Variants in SYTL5 observed in about 807,000 individuals in gnomAD.
SYTL5 encodes synaptotagmin like 5, also known as synaptotagmin-like protein 5.
SYTL5 carries 34 observed loss-of-function variants against 55.9 expected under a neutral mutation model. The observed-to-expected ratio is 0.61, with a 90% CI of 0.46 to 0.81. The LOEUF (loss-of-function observed/expected upper bound fraction) is 0.81, where lower values mean the gene tolerates loss of function less well. Ranked by LOEUF, SYTL5 falls within the 30% of genes least tolerant of loss-of-function variation. SYTL5 has a pLI of 0.00. For synonymous variants in SYTL5, 221 were observed against 188.7 expected, an observed-to-expected ratio of 1.17 and a Z score of -1.40; for missense variants, 637 against 546.7, an observed-to-expected ratio of 1.17 and a Z score of -1.65.
intron 15 of SYTL5, among the ~76,000 whole-genome samples, chrX:38,124,427 G>A (rs1263285887): frequency 9.0e-6 from 1 of 111,525 alleles, no homozygotes; most frequent in Non-Finnish European, 1.9e-5. Flanking sequence ...TTTGCTTGTA[G>A]CACTTTTCGT....
At chrX:37,967,871 G>T in the SYTL5 span, among the ~76,000 whole-genome samples, 4 of 107,541 alleles carry the variant, frequency 3.7e-5, no homozygotes, top group East Asian at 1.2e-3. Context: ...AAAGTGCTAG[G>T]ATTATAGGCA....
At position 38,127,004 on chromosome X, in the gene SYTL5, T is replaced by C; in HGVS notation, c.*274T>C. 1.2e-5 allele frequency: 3 copies of C among 246,157 alleles called. No homozygotes were observed. The highest frequency in any genetic ancestry group is 2.2e-5 in the Non-Finnish European group (3 of 138,522). The allele number at this position is 246,157 out of a possible 1,213,427, so 20.3% of individuals were successfully genotyped here. On this transcript the variant is annotated 3_prime_UTR_variant, in exon 17 of 17. Transcript: ENST00000297875. Reference sequence around the variant, plus strand: ...GCAAATTGTGCAAAGGCTTATAGGGTTTATGCCATAAAAGAAATGGCACAA... The same window carrying C: ...GCAAATTGTGCAAAGGCTTATAGGGCTTATGCCATAAAAGAAATGGCACAA...
In SYTL5 at chrX:38,027,362, T is replaced by C. The variant is rs1206637925; in HGVS notation, c.-356-6172T>C. Among the ~76,000 whole-genome samples, 5 of 112,080 alleles carry C rather than the reference T, an allele frequency of 4.5e-5. No individual in the cohort carries two copies. In the Admixed American group the frequency reaches 4.8e-4, roughly 11 times the overall value. ...ATGGAGTCACTAGCCAATTCCAATA[T>C]GTGCCCAGAATTATAATATTGAACC... On this transcript the variant is annotated intron_variant, in intron 1 of 16. Coordinates refer to ENST00000297875, the MANE Select transcript of SYTL5 (RefSeq NM_138780.3).
the SYTL5 span, among the ~76,000 whole-genome samples, chrX:37,995,180 G>T: frequency 9.0e-6 from 1 of 110,526 alleles, no homozygotes; most frequent in Non-Finnish European, 1.9e-5. Flanking sequence ...GGGGTCCTCC[G>T]AGGCTTGTTG....
intron 2 of SYTL5, among the ~76,000 whole-genome samples, chrX:38,053,094 C>T (rs906616822): frequency 8.9e-5 from 10 of 112,267 alleles, no homozygotes; most frequent in Non-Finnish European, 1.7e-4. Context: ...GACTGAATCT[C>T]CAAAGCTGTG....
intron 1 of SYTL5, among the ~76,000 whole-genome samples, chrX:38,031,336 C>A (rs910305307): frequency 9.0e-6 from 1 of 111,620 alleles, no homozygotes; most frequent in Non-Finnish European, 1.9e-5. Flanking sequence ...TAAACTCTCA[C>A]AGGGCAATTT....
chrX:38,046,173 G>C (rs758863633), intron 2 of SYTL5, among the ~76,000 whole-genome samples: 4 of 111,634 alleles, frequency 3.6e-5, no homozygotes, highest in Non-Finnish European at 7.5e-5. Context: ...GTTACCTCTC[G>C]GAGATTCCAC....
chrX:37,899,342 G>A, the SYTL5 span, among the ~76,000 whole-genome samples: 1 of 111,304 alleles, frequency 9.0e-6, no homozygotes, highest in African/African-American at 3.3e-5. Context: ...CTGAGCTAAT[G>A]AGGCTCAGGC....
chrX:38,043,564 T>C (rs1002372542), intron 2 of SYTL5, among the ~76,000 whole-genome samples: 1 of 103,221 alleles, frequency 9.7e-6, no homozygotes, highest in Non-Finnish European at 2.0e-5. Context: ...CCATATAATA[T>C]GAACATTAAA....
chrX:38,046,330 G>A (rs927600760), intron 2 of SYTL5, among the ~76,000 whole-genome samples: 7 of 111,935 alleles, frequency 6.3e-5, no homozygotes, highest in Non-Finnish European at 1.3e-4. Context: ...AGGTTTAATG[G>A]ACTCACAGTT....
intron 13 of SYTL5, among the ~76,000 whole-genome samples, chrX:38,118,628 T>A (rs966962863): frequency 8.9e-6 from 1 of 111,941 alleles, no homozygotes; most frequent in Non-Finnish European, 1.9e-5. Flanking sequence ...ATTTAAACTT[T>A]ATATTTTGAG....
chrX:38,014,609 G>A (rs1934289865), intron 1 of SYTL5, among the ~76,000 whole-genome samples: 1 of 111,638 alleles, frequency 9.0e-6, no homozygotes, highest in Admixed American at 9.5e-5. Context: ...TTAGGGAGCC[G>A]TGAGACATCA....
chrX:38,035,489 G>T (rs762819409), intron 2 of SYTL5, among the ~76,000 whole-genome samples: 2 of 110,292 alleles, frequency 1.8e-5, no homozygotes, highest in South Asian at 7.9e-4. Context: ...TACTCAGGAG[G>T]CTGAGGCGGG....
intron 7 of SYTL5, among the ~76,000 whole-genome samples, chrX:38,090,274 G>A (rs972634555): frequency 5.0e-4 from 56 of 112,080 alleles, no homozygotes; most frequent in African/African-American, 1.8e-3. Context: ...ATCTGGAAAA[G>A]TAGAACTTTT....
the SYTL5 span, among the ~76,000 whole-genome samples, chrX:37,968,573 T>C: frequency 9.0e-6 from 1 of 111,613 alleles, no homozygotes; most frequent in East Asian, 2.8e-4. Context: ...AATAGACATA[T>C]TAGGTGGGAG....
At chrX:38,096,291 G>T in intron 9 of SYTL5, 57 bp downstream of exon 9, 1 of 713,609 alleles carries the variant, frequency 1.4e-6, no homozygotes, top group East Asian at 3.3e-5. Flanking sequence ...GCATAATCTT[G>T]CTCCAAGTGG....
intron 1 of SYTL5, among the ~76,000 whole-genome samples, chrX:38,030,479 G>A (rs190634653): frequency 5.3e-4 from 59 of 111,718 alleles, no homozygotes; most frequent in East Asian, 2.2e-3. Flanking sequence ...TAACCATAGC[G>A]CTCTTTTTAA....
chrX:38,010,231 G>A (rs1300810552), intron 1 of SYTL5, among the ~76,000 whole-genome samples: 1 of 112,287 alleles, frequency 8.9e-6, no homozygotes, highest in Non-Finnish European at 1.9e-5. Flanking sequence ...CTAGCTCATA[G>A]TAAGTGCTCT....
chrX:38,086,853 G>T (rs1936671197), intron 6 of SYTL5, among the ~76,000 whole-genome samples: 1 of 111,624 alleles, frequency 9.0e-6, no homozygotes, highest in African/African-American at 3.3e-5. Flanking sequence ...TTTTTGAGAA[G>T]CTCACAGTAA....
Sources: gnomAD v4.1 joint callset for allele counts (sites outside exome capture counted in the v4.1 genomes callset) on GRCh38, gnomAD v4.1.1 for gene constraint, MANE v1.5 for transcripts, NCBI Gene and HGNC (gene_info 2026-07-23, HGNC 2026-07-21) for gene names.